KCNK2: variants seen among roughly 807,000 people sequenced by gnomAD.
KCNK2 encodes the protein potassium two pore domain channel subfamily K member 2.
Under a neutral mutation model 40.5 loss-of-function variants are expected in KCNK2, and 21 were observed. The observed-to-expected ratio is 0.52, with a 90% CI of 0.37 to 0.75. The LOEUF is 0.75. Ranked by LOEUF, KCNK2 falls within the 30% of genes least tolerant of loss-of-function variation. KCNK2 has a pLI of 0.00. For missense variants in KCNK2, 399 were observed against 531.6 expected (o/e 0.75, Z 2.45); for synonymous variants, 191 against 202.2 (o/e 0.94, Z 0.47).
chr1:215,034,530 G>A (rs1400585570), intron 1 of KCNK2, among the ~76,000 whole-genome samples: 2 of 151,972 alleles, frequency 1.3e-5, no homozygotes, highest in Non-Finnish European at 2.9e-5. Flanking sequence ...TCATTTTACA[G>A]TATCACCAGA....
intron 3 of KCNK2, among the ~76,000 whole-genome samples, chr1:215,157,714 A>G (rs1281713214): frequency 6.6e-6 from 1 of 152,226 alleles, no homozygotes; most frequent in African/African-American, 2.4e-5. Flanking sequence ...AAGGATCAGG[A>G]GTCCAGACAA....
chr1:215,049,753 G>A (rs998440004), intron 1 of KCNK2, among the ~76,000 whole-genome samples: 1 of 152,088 alleles, frequency 6.6e-6, no homozygotes, highest in African/African-American at 2.4e-5. Context: ...ACCATTTGAT[G>A]AAAGTCTTTC....
intron 3 of KCNK2, among the ~76,000 whole-genome samples, chr1:215,152,031 C>T (rs144826883): frequency 1.4e-4 from 21 of 152,212 alleles, no homozygotes; most frequent in African/African-American, 4.3e-4. Context: ...AGTAGGATGG[C>T]TTTTGTTCCA....
chr1:215,182,458 A>G (rs1270836383), intron 5 of KCNK2, among the ~76,000 whole-genome samples: 1 of 152,090 alleles, frequency 6.6e-6, no homozygotes, highest in Non-Finnish European at 1.5e-5. Context: ...GGCCCACTGC[A>G]CTACAATCTC....
intron 6 of KCNK2, among the ~76,000 whole-genome samples, chr1:215,203,538 A>G (rs186331902): frequency 4.7e-4 from 72 of 152,082 alleles, no homozygotes; most frequent in African/African-American, 1.2e-3. Context: ...CTATATATAT[A>G]TATAATATCA....
intron 2 of KCNK2, among the ~76,000 whole-genome samples, chr1:215,103,951 GA>G: frequency 6.6e-6 from 1 of 152,024 alleles, no homozygotes; most frequent in South Asian, 2.1e-4. Flanking sequence ...TTGAAGAAGA[GA>G]AAAAAATAAG....
At chr1:215,045,232 A>G (rs1336410495) in intron 1 of KCNK2, among the ~76,000 whole-genome samples, 1 of 152,018 alleles carries the variant, frequency 6.6e-6, no homozygotes, top group African/African-American at 2.4e-5. Context: ...CACATAAAAA[A>G]CAAAAAAGAT....
At chr1:215,151,363 T>C (rs1329390061) in intron 3 of KCNK2, among the ~76,000 whole-genome samples, 1 of 152,096 alleles carries the variant, frequency 6.6e-6, no homozygotes, top group East Asian at 1.9e-4. Flanking sequence ...TATGTTTAGT[T>C]CTGTTTCTGA....
At chr1:215,160,335 A>C (rs1382075611) in intron 3 of KCNK2, among the ~76,000 whole-genome samples, 2 of 152,254 alleles carry the variant, frequency 1.3e-5, no homozygotes, top group African/African-American at 4.8e-5. Context: ...AGAGTGCGAA[A>C]GCAAAGTGGG....
intron 1 of KCNK2, among the ~76,000 whole-genome samples, chr1:215,022,564 A>T (rs1656843216): frequency 6.6e-6 from 1 of 152,090 alleles, no homozygotes; most frequent in African/African-American, 2.4e-5. Context: ...TACTATTCAA[A>T]TGCTATCATG....
intron 1 of KCNK2, among the ~76,000 whole-genome samples, chr1:215,071,538 A>G (rs753095035): frequency 1.3e-5 from 2 of 152,192 alleles, no homozygotes; most frequent in African/African-American, 4.8e-5. Flanking sequence ...CATCTGAAGC[A>G]TCTAGTAGTG....
chr1:215,125,559 A>C (rs2102582176), intron 3 of KCNK2, among the ~76,000 whole-genome samples: 1 of 151,906 alleles, frequency 6.6e-6, no homozygotes, highest in South Asian at 2.1e-4. Context: ...GGACACAGGA[A>C]GGGGAACATC....
intron 3 of KCNK2, among the ~76,000 whole-genome samples, chr1:215,154,508 A>C (rs1177688893): frequency 6.6e-6 from 1 of 151,818 alleles, no homozygotes; most frequent in Non-Finnish European, 1.5e-5. Flanking sequence ...AGATTGCAAA[A>C]ATTTCCTCCC....
chr1:215,209,461 T>TATATAATATATA (rs1665509132), intron 6 of KCNK2, among the ~76,000 whole-genome samples: 1 of 2,234 alleles, frequency 4.5e-4, no homozygotes. Flanking sequence ...TATTATATAT[T>TATATAATATATA]ATATATAATA....
chr1:215,147,471 T>C (rs1204660561), intron 3 of KCNK2, among the ~76,000 whole-genome samples: 1 of 152,218 alleles, frequency 6.6e-6, no homozygotes, highest in East Asian at 1.9e-4. Flanking sequence ...TGGAATCATA[T>C]TTCTTCTTCA....
Position 215,236,518 on chromosome 1 carries a change from G to T in KCNK2, c.*1373G>T, listed in dbSNP as rs1666903417. On this transcript the variant is annotated 3_prime_UTR_variant, in exon 7 of 7. Transcript: ENST00000444842. Reference sequence around the variant, plus strand: ...ACAATTTAAATTTTGAGAGTTTGCTGTGTTTTTTTTTCACATAAAAGAGGC... The same window carrying T: ...ACAATTTAAATTTTGAGAGTTTGCTTTGTTTTTTTTTCACATAAAAGAGGC... The T allele has an allele frequency of 6.6e-6, 1 of 152,280 alleles. No homozygotes were observed. The highest frequency in any genetic ancestry group is 2.1e-4 in the South Asian group (1 of 4,814). 9.4% of individuals were successfully genotyped at this position (152,280 alleles called of 1,614,324 possible).
chr1:215,041,330 C>T (rs75718025), intron 1 of KCNK2, among the ~76,000 whole-genome samples: 6,579 of 152,196 alleles, frequency 0.043, 207 homozygotes, highest in Middle Eastern at 0.099. Context: ...TGATAGTACA[C>T]GTAAAGTTCA....
At chr1:215,144,581 C>G (rs1251242644) in intron 3 of KCNK2, among the ~76,000 whole-genome samples, 1 of 152,116 alleles carries the variant, frequency 6.6e-6, no homozygotes, top group Non-Finnish European at 1.5e-5. Flanking sequence ...AGTTTTATCT[C>G]TTCAATCTAT....
chr1:215,182,307 G>A lies in KCNK2; in HGVS notation c.823+10124G>A, dbSNP rs1031190466. Among the ~76,000 whole-genome samples the A allele has an allele frequency of 3.3e-5, 5 of 152,236 alleles. No individual in the cohort carries two copies. The East Asian group carries it at 5.8e-4, about 18-fold the overall frequency. ...GTTGAGGAGGTGCTCCAAATGCCTG[G>A]AGCTCTGCCTAGGGTTGGAGTGGAG... is the stretch of plus-strand genomic sequence containing the variant. On this transcript the variant is annotated intron_variant, in intron 5 of 6. Transcript: ENST00000444842.
Sources: gnomAD v4.1 joint callset for allele counts (sites outside exome capture counted in the v4.1 genomes callset) on GRCh38, gnomAD v4.1.1 for gene constraint, MANE v1.5 for transcripts, NCBI Gene and HGNC (gene_info 2026-07-23, HGNC 2026-07-21) for gene names.